Variants in HAVCR1 observed in about 807,000 individuals in gnomAD.
The protein encoded by HAVCR1 is T cell immunoglobin domain and mucin domain protein 1.
A neutral mutation model predicts 32.0 loss-of-function variants in HAVCR1; 34 were observed. The ratio of observed to expected loss-of-function variants is 1.06; its 90% CI spans 0.81 to 1.42. The LOEUF is 1.42. Among genes scored for constraint, HAVCR1 ranks in the 40% most tolerant of loss-of-function variants. The pLI is 0.00. For synonymous variants in HAVCR1, 178 were observed against 170.3 expected (o/e 1.05, Z -0.35); for missense variants, 420 against 442.3 (o/e 0.95, Z 0.45).
chr5:157,030,886 C>T (rs1315212235), intron 8 of HAVCR1, among the ~76,000 whole-genome samples: 3 of 152,112 alleles, frequency 2.0e-5, no homozygotes. Context: ...GGTCCCTAAA[C>T]AGGTCAGTCA....
chr5:157,058,149 T>C, intron 1 of HAVCR1, 194 bp from the exon 2 acceptor site: 1 of 549,826 alleles, frequency 1.8e-6, no homozygotes, highest in South Asian at 2.3e-5. Context: ...GAGAGCTCTG[T>C]GCCTTCCAAA....
intron 2 of HAVCR1, 82 bp downstream of exon 2, chr5:157,057,816 C>T: frequency 1.0e-6 from 1 of 969,806 alleles, no homozygotes; most frequent in Non-Finnish European, 1.7e-6. Flanking sequence ...CACCACCATC[C>T]CCTCCCCTTC....
chr5:157,044,443 GAA>G (rs1305551996), intron 5 of HAVCR1, among the ~76,000 whole-genome samples: 2 of 41,080 alleles, frequency 4.9e-5, no homozygotes, highest in Admixed American at 3.1e-4. Flanking sequence ...AAGAAAGAAA[GAA>G]AGAAAGAAAG....
chr5:157,049,770 T>C (rs1025806865), intron 4 of HAVCR1, among the ~76,000 whole-genome samples: 14 of 152,228 alleles, frequency 9.2e-5, no homozygotes, highest in African/African-American at 3.4e-4. Context: ...GTAAGGTTCC[T>C]GGCAGGACCT....
At chr5:157,037,603 A>C (rs1304499416) in intron 6 of HAVCR1, among the ~76,000 whole-genome samples, 1 of 152,214 alleles carries the variant, frequency 6.6e-6, no homozygotes, top group Non-Finnish European at 1.5e-5. Context: ...GGTTGTATTT[A>C]CATAGGTGTA....
At position 157,052,544 on chromosome 5, in the gene HAVCR1, TCGTTGGAA is replaced by T; in HGVS notation, c.482_489del (p.Val161AspfsTer60). On this transcript the variant is annotated frameshift_variant, in exon 4 of 9. Coordinates refer to ENST00000523175, the MANE Select transcript of HAVCR1 (RefSeq NM_001173393.3). LOFTEE classifies it high-confidence loss of function. ...ATGCTCATTGTTGTTGGAACAGTTG[TCGTTGGAA>T]CAGTCGTCATTGGAACAGTCGTTGT... 6.6e-7 allele frequency: 1 copy of T among 1,525,186 alleles called. No individual in the cohort carries two copies. The allele number at this position is 1,525,186 out of a possible 1,614,324, so 94.5% of individuals were successfully genotyped here.
intron 7 of HAVCR1, among the ~76,000 whole-genome samples, chr5:157,036,764 T>G (rs1001272164): frequency 1.3e-5 from 2 of 152,172 alleles, no homozygotes; most frequent in African/African-American, 2.4e-5. Flanking sequence ...TTTGAACTCC[T>G]GGGCTCAAGC....
intron 1 of HAVCR1, 31 bp from the exon 2 acceptor site, chr5:157,057,986 G>C: frequency 6.8e-7 from 1 of 1,477,634 alleles, no homozygotes. Context: ...AGGCTGGTTG[G>C]TACCCTCCAC....
chr5:157,069,271 T>A, the HAVCR1 span, among the ~76,000 whole-genome samples: 1 of 152,240 alleles, frequency 6.6e-6, no homozygotes, highest in African/African-American at 2.4e-5. Flanking sequence ...ATCATTATTG[T>A]CCTTATATCT....
chr5:157,052,234 G>A, intron 4 of HAVCR1, 127 bp downstream of exon 4: 1 of 780,608 alleles, frequency 1.3e-6, no homozygotes, highest in Non-Finnish European at 2.1e-6. Flanking sequence ...AAACCCTGAG[G>A]AGACCCTGAT....
intron 7 of HAVCR1, among the ~76,000 whole-genome samples, chr5:157,034,841 C>T (rs992575978): frequency 6.6e-6 from 1 of 152,140 alleles, no homozygotes; most frequent in African/African-American, 2.4e-5. Context: ...CATGTTTCTG[C>T]GAGCACAGGG....
intron 6 of HAVCR1, among the ~76,000 whole-genome samples, chr5:157,040,008 C>A (rs573143556): frequency 6.6e-6 from 1 of 152,132 alleles, no homozygotes; most frequent in Admixed American, 6.5e-5. Context: ...CCAAGAATAA[C>A]CTCACCGGCC....
intron 3 of HAVCR1, among the ~76,000 whole-genome samples, chr5:157,053,086 A>G (rs1438073930): frequency 2.6e-5 from 4 of 152,188 alleles, no homozygotes; most frequent in Admixed American, 1.3e-4. Context: ...CTAATTTTTA[A>G]AAAAACTTTT....
chr5:157,064,144 G>A, the HAVCR1 span, among the ~76,000 whole-genome samples: 1 of 152,168 alleles, frequency 6.6e-6, no homozygotes, highest in Non-Finnish European at 1.5e-5. Context: ...GAAGCAGGAA[G>A]ACCTGTCAGG....
chr5:157,055,118 C>A, intron 3 of HAVCR1, 83 bp downstream of exon 3: 1 of 719,232 alleles, frequency 1.4e-6, no homozygotes, highest in East Asian at 2.6e-5. Flanking sequence ...CGGGAACCTC[C>A]TCTTTCCCTA....
At chr5:157,044,563 GAGAA>G (rs1251488302) in intron 5 of HAVCR1, among the ~76,000 whole-genome samples, 3 of 137,040 alleles carry the variant, frequency 2.2e-5, no homozygotes, top group African/African-American at 8.7e-5. Context: ...AGGAAGGAGA[GAGAA>G]AGAAAGACAA....
chr5:157,060,340 C>A (rs1361931118), upstream of HAVCR1, among the ~76,000 whole-genome samples: 1 of 152,126 alleles, frequency 6.6e-6, no homozygotes. Flanking sequence ...GCTGACTCAG[C>A]CCCAGCTACT....
At chr5:157,035,448 A>AACAC (rs144820972) in intron 7 of HAVCR1, among the ~76,000 whole-genome samples, 3 of 151,750 alleles carry the variant, frequency 2.0e-5, no homozygotes, top group African/African-American at 7.2e-5. Flanking sequence ...TACTGAGACA[A>AACAC]ACACACACAC....
Position 157,029,832 on chromosome 5 carries a change from A to G in HAVCR1, c.996T>C (p.Phe332=), listed in dbSNP as rs1754064859. ...GCAAAGCTTTAATTTGAAGGCTGCT[A>G]AATGAAACACTGTAGAAAGAGTTGT... ...KKEVQQLSVS[F]SSLQIKALQN... The change falls in exon 9 of 9, where the codon TTT becomes TTC. Residue 332 remains phenylalanine, a synonymous_variant. Coordinates refer to ENST00000523175, the MANE Select transcript of HAVCR1 (RefSeq NM_001173393.3). 6.2e-7 allele frequency: 1 copy of G among 1,612,300 alleles called. No homozygotes were observed. The highest frequency in any genetic ancestry group is 8.5e-7 in the Non-Finnish European group (1 of 1,179,236).
Sources: allele counts gnomAD v4.1 joint callset (sites outside exome capture counted in the v4.1 genomes callset), GRCh38; gene constraint gnomAD v4.1.1; transcripts MANE v1.5; gene names NCBI Gene and HGNC (gene_info 2026-07-23, HGNC 2026-07-21).